CDCA4: variants seen among roughly 807,000 people sequenced by gnomAD.
The protein encoded by CDCA4 is cell division cycle-associated protein 4.
For synonymous variants in CDCA4, 130 were observed against 137.0 expected, an observed-to-expected ratio of 0.95 and a Z score of 0.36; for missense variants, 294 against 322.1, an observed-to-expected ratio of 0.91 and a Z score of 0.67.
At chr14:105,020,397 T>C (rs1886197435) in intron 1 of CDCA4, among the ~76,000 whole-genome samples, 1 of 152,178 alleles carries the variant, frequency 6.6e-6, no homozygotes, top group African/African-American at 2.4e-5. Context: ...GCCACGACGA[T>C]CCTGTTTGCG....
At position 105,011,823 on chromosome 14, in the gene CDCA4, G is replaced by C. The variant is rs758793382; in HGVS notation, c.107C>G (p.Ser36Trp). 1.9e-6 allele frequency: 3 copies of C among 1,613,838 alleles called. No homozygotes were observed. Among genetic ancestry groups the C allele is most frequent in the East Asian group, 4.5e-5 (2 of 44,892 alleles). Reference protein sequence around the residue: ...TVSSYSLQRQSLLDMSLVKLQ... With the variant: ...TVSSYSLQRQWLLDMSLVKLQ... ...CTTCACCAGAGACATGTCCAGGAGC[G>C]ACTGCCGCTGCAGGCTGTATGAGGA... The change falls in exon 2 of 2, where the codon TCG (serine) becomes TGG (tryptophan). Residue 36 changes from serine (S) to tryptophan (W), a missense_variant. Physicochemically the swap from Ser to Trp is radical, Grantham distance 177. Transcript: ENST00000336219.
chr14:105,020,224 G>A (rs1264473873), intron 1 of CDCA4, among the ~76,000 whole-genome samples: 3 of 152,224 alleles, frequency 2.0e-5, no homozygotes, highest in Non-Finnish European at 4.4e-5. Flanking sequence ...GTTGTACGTA[G>A]AAAGTTGATA....
At chr14:105,015,149 G>C (rs1444757395) in intron 1 of CDCA4, among the ~76,000 whole-genome samples, 1 of 152,144 alleles carries the variant, frequency 6.6e-6, no homozygotes, top group Non-Finnish European at 1.5e-5. Flanking sequence ...TTTCCTCTGA[G>C]TCCTTAGAAA....
intron 1 of CDCA4, among the ~76,000 whole-genome samples, chr14:105,016,217 C>G (rs547574774): frequency 2.6e-5 from 4 of 152,156 alleles, no homozygotes; most frequent in Admixed American, 6.5e-5. Flanking sequence ...AACCATAAAA[C>G]GAATTTTCTC....
intron 1 of CDCA4, among the ~76,000 whole-genome samples, chr14:105,018,998 A>C (rs1275258380): frequency 6.6e-6 from 1 of 151,958 alleles, no homozygotes; most frequent in Non-Finnish European, 1.5e-5. Context: ...CGGCCTCCCA[A>C]AGTGCTGGAT....
At chr14:105,018,303 G>A (rs1262521746) in intron 1 of CDCA4, among the ~76,000 whole-genome samples, 1 of 152,064 alleles carries the variant, frequency 6.6e-6, no homozygotes, top group Non-Finnish European at 1.5e-5. Flanking sequence ...TCCCTGTTCA[G>A]TCACTTCAAA....
chr14:105,012,038 G>A lies in CDCA4; in HGVS notation c.-6-103C>T, dbSNP rs1355465449. On this transcript the variant is annotated intron_variant, in intron 1 of 1. Transcript: ENST00000336219. The stretch of plus-strand genomic sequence containing the variant: ...GCCCTCACTGTACGCAAGGAGCAGC[G>A]ACTCCGTAACTGGCAGGGACTTGAC... 1.6e-5 allele frequency: 22 copies of A among 1,351,960 alleles called. No individual in the cohort carries two copies. The Middle Eastern group carries it at 7.8e-4, about 48-fold the overall frequency. The allele number at this position is 1,351,960 out of a possible 1,614,324, so 83.7% of individuals were successfully genotyped here. A position where few individuals can be genotyped will look rare whatever the true frequency, so the allele number is the denominator to read the frequency against.
rs1293964322 is a variant in CDCA4, at chr14:105,009,915, GTAAC to G, written c.*1285_*1288del. 1.3e-5 allele frequency: 2 copies of G among 152,208 alleles called. No individual in the cohort carries two copies. The highest frequency in any genetic ancestry group is 1.3e-4 in the Admixed American group (2 of 15,276). The allele number at this position is 152,208 out of a possible 1,614,324, so 9.4% of individuals were successfully genotyped here. ...GTTGCTGGAGGGTCAGGCCGTGGTCGTAACTAACACCACATTCCCATTTTGTTTG... is the reference window on the plus strand; with the variant it reads ...GTTGCTGGAGGGTCAGGCCGTGGTCGTAACACCACATTCCCATTTTGTTTG... On this transcript the variant is annotated 3_prime_UTR_variant, in exon 2 of 2. Coordinates refer to ENST00000336219, the MANE Select transcript of CDCA4 (RefSeq NM_017955.4).
chr14:105,012,999 C>A (rs1262818427), intron 1 of CDCA4, among the ~76,000 whole-genome samples: 1 of 152,244 alleles, frequency 6.6e-6, no homozygotes, highest in Non-Finnish European at 1.5e-5. Context: ...CTGGCCAAGG[C>A]AGTGTTTCTC....
intron 1 of CDCA4, among the ~76,000 whole-genome samples, chr14:105,019,856 G>A (rs1474076666): frequency 6.6e-6 from 1 of 152,194 alleles, no homozygotes; most frequent in Non-Finnish European, 1.5e-5. Context: ...TATGATTACA[G>A]GCATGCGCCA....
rs1049097073 is a variant in CDCA4 at position 105,020,984 on chromosome 14, G to C, written c.-7+15C>G. On this transcript the variant is annotated intron_variant, in intron 1 of 1. Transcript: ENST00000336219. Reference sequence around the variant, plus strand: ...GCCGCCGTAGACGCCCTAGCGGTCCGCCGGGCCCGCTCACCTGACCCGCGA... The same window carrying C: ...GCCGCCGTAGACGCCCTAGCGGTCCCCCGGGCCCGCTCACCTGACCCGCGA... The C allele has an allele frequency of 6.6e-6, 1 of 152,430 alleles. No homozygotes were observed. The allele number at this position is 152,430 out of a possible 1,614,324, so 9.4% of individuals were successfully genotyped here. A position where few individuals can be genotyped will look rare whatever the true frequency, so the allele number is the denominator to read the frequency against.
In CDCA4 at chr14:105,011,420, C is replaced by A; in HGVS notation, c.510G>T (p.Glu170Asp). 1 of 1,614,226 alleles carries A rather than the reference C, an allele frequency of 6.2e-7. No individual in the cohort carries two copies. Among genetic ancestry groups the A allele is most frequent in the Non-Finnish European group, 8.5e-7 (1 of 1,180,020 alleles). Residue 170 changes from glutamate to aspartate, a missense_variant, in exon 2 of 2, where the codon GAG (glutamate) becomes GAT (aspartate). Physicochemically the swap from Glu to Asp is conservative, Grantham distance 45. Transcript: ENST00000336219. ...CTTCCATGCAGCTGGGGTTTTTAGTCTCCAGCGTTTCAAATATCTGATCAA... is the reference window on the plus strand; with the variant it reads ...CTTCCATGCAGCTGGGGTTTTTAGTATCCAGCGTTTCAAATATCTGATCAA... ...KSLDQIFETL[E>D]TKNPSCMEEL...
chr14:105,010,558 T>C lies in CDCA4; in HGVS notation c.*646A>G, dbSNP rs1288365372. On this transcript the variant is annotated 3_prime_UTR_variant, in exon 2 of 2. Coordinates refer to ENST00000336219, the MANE Select transcript of CDCA4 (RefSeq NM_017955.4). Reference sequence around the variant, plus strand: ...GGTCTCACTGCAGCGCAGGACATAATGAAGAAGTATCACACACACATTTAA... The same window carrying C: ...GGTCTCACTGCAGCGCAGGACATAACGAAGAAGTATCACACACACATTTAA... 3 of 152,396 alleles carry C rather than the reference T, an allele frequency of 2.0e-5. No individual in the cohort carries two copies. The highest frequency in any genetic ancestry group is 2.1e-4 in the South Asian group (1 of 4,828). 9.4% of individuals were successfully genotyped at this position (152,396 alleles called of 1,614,324 possible).
intron 1 of CDCA4, among the ~76,000 whole-genome samples, chr14:105,018,909 G>C (rs1245887800): frequency 6.6e-6 from 1 of 151,656 alleles, no homozygotes; most frequent in Non-Finnish European, 1.5e-5. Context: ...GCTAATTTTT[G>C]TATTTTTTGT....
rs750339336 is a variant in CDCA4, at chr14:105,011,433, A to G, written c.497T>C (p.Phe166Ser). ...GSFHKSLDQI[F>S]ETLETKNPSC... ...GGGGTTTTTAGTCTCCAGCGTTTCA[A>G]ATATCTGATCAAGTGACTTGTGAAA... The change falls in exon 2 of 2, where the codon TTT (phenylalanine) becomes TCT (serine). Residue 166 changes from phenylalanine to serine, a missense_variant. Transcript: ENST00000336219. The G allele has an allele frequency of 2.5e-6, 4 of 1,614,024 alleles. No individual in the cohort carries two copies. The highest frequency in any genetic ancestry group is 3.4e-6 in the Non-Finnish European group (4 of 1,180,022).
intron 1 of CDCA4, among the ~76,000 whole-genome samples, chr14:105,013,193 G>A (rs1486105394): frequency 6.6e-6 from 1 of 151,966 alleles, no homozygotes; most frequent in Non-Finnish European, 1.5e-5. Context: ...ACAAGTCTGT[G>A]CAAACTGTTT....
intron 1 of CDCA4, among the ~76,000 whole-genome samples, 176 bp downstream of exon 1, chr14:105,020,823 A>G (rs999576148): frequency 2.0e-5 from 3 of 151,846 alleles, no homozygotes; most frequent in Admixed American, 1.3e-4. Context: ...ACCAGCGCCC[A>G]GGAGGGCGGC....
rs753759552 is a variant in CDCA4 at position 105,011,545 on chromosome 14, G to C, written c.385C>G (p.Leu129Val). The change falls in exon 2 of 2, where the codon CTT (leucine) becomes GTT (valine). Residue 129 changes from leucine to valine, a missense_variant. By Grantham distance (32) the Leu-to-Val change is conservative. Coordinates refer to ENST00000336219, the MANE Select transcript of CDCA4 (RefSeq NM_017955.4). ...DGHTQGPVSD[L>V]CPVTSAQAPR... is the part of the protein sequence containing the mutation. ...GCCTGTGCTGAGGTGACTGGGCAAA[G>C]GTCAGAAACTGGACCCTGTGTGTGG... 1 of 1,614,146 alleles carries C rather than the reference G, an allele frequency of 6.2e-7. No individual in the cohort carries two copies. Among genetic ancestry groups the C allele is most frequent in the Admixed American group, 1.7e-5 (1 of 60,022 alleles).
At chr14:105,015,709 G>T (rs1172419633) in intron 1 of CDCA4, among the ~76,000 whole-genome samples, 3 of 151,724 alleles carry the variant, frequency 2.0e-5, no homozygotes, top group African/African-American at 7.3e-5. Flanking sequence ...GTGTCGCCCA[G>T]GCTGGAGTGC....
Sources: allele counts gnomAD v4.1 joint callset (sites outside exome capture counted in the v4.1 genomes callset), GRCh38; gene constraint gnomAD v4.1.1; transcripts MANE v1.5; gene names NCBI Gene and HGNC (gene_info 2026-07-23, HGNC 2026-07-21).